Variants in ZNF385D observed in about 807,000 individuals in gnomAD.
ZNF385D encodes the protein zinc finger protein 385D.
ZNF385D carries 15 observed loss-of-function variants against 35.8 expected under a neutral mutation model. That is an observed-to-expected ratio of 0.42 (90% confidence interval 0.28 to 0.64). The LOEUF (loss-of-function observed/expected upper bound fraction) is 0.64. ZNF385D is among the 30% of genes least tolerant of loss of function. The probability of loss-of-function intolerance (pLI) is 0.23; values close to 1 mark genes in which losing one functional copy is unlikely to be tolerated. For missense variants in ZNF385D, 474 were observed against 494.6 expected, an observed-to-expected ratio of 0.96 and a Z score of 0.39; for synonymous variants, 212 against 186.8, an observed-to-expected ratio of 1.13 and a Z score of -1.10.
intron 2 of ZNF385D, among the ~76,000 whole-genome samples, chr3:22,323,191 A>G (rs752147101): frequency 6.6e-6 from 1 of 152,146 alleles, no homozygotes; most frequent in African/African-American, 2.4e-5. Context: ...TTTTGAGTTA[A>G]TATCAATCAT....
rs934170804 is a variant in ZNF385D, at chr3:21,539,279, C to T, written c.276+25295G>A. ...GTGCTGTGTGGCTTCTACATTTCTA[C>T]ATAGATCACTTTCTCATTAATTGAT... On this transcript the variant is annotated intron_variant, in intron 3 of 7. Coordinates refer to ENST00000281523, the MANE Select transcript of ZNF385D (RefSeq NM_024697.3). This position sits in a 1 kb window ranked among gnomAD's most constrained non-coding sequence, Gnocchi z 4.0. 2.0e-5 allele frequency among the ~76,000 whole-genome samples: 3 copies of T among 152,026 alleles called. No individual in the cohort carries two copies. The highest frequency in any genetic ancestry group is 4.4e-5 in the Non-Finnish European group (3 of 68,004).
chr3:22,272,039 G>T (rs539211673), intron 2 of ZNF385D, among the ~76,000 whole-genome samples: 3 of 152,028 alleles, frequency 2.0e-5, no homozygotes, highest in East Asian at 3.9e-4. Context: ...GATATTTTTG[G>T]ATAATGTGTT....
At position 21,621,922 on chromosome 3, in the gene ZNF385D, G is replaced by A. The variant is rs541291530; in HGVS notation, c.165+42964C>T. Among the ~76,000 whole-genome samples, 58 of 151,816 alleles carry A rather than the reference G, an allele frequency of 3.8e-4. 2 individuals carry two copies. The South Asian group carries it at 4.4e-3, about 11-fold the overall frequency. The stretch of plus-strand genomic sequence containing the variant: ...GTGCACGCACGTGTGTGCTTTCTTT[G>A]GAACTTAGTCTACAAGAGGAAATGT... On this transcript the variant is annotated intron_variant, in intron 2 of 7. Transcript: ENST00000281523.
intron 3 of ZNF385D, among the ~76,000 whole-genome samples, chr3:22,030,256 CATATATAT>C (rs71044967): frequency 0.019 from 417 of 21,728 alleles, 4 homozygotes; most frequent in South Asian, 0.065. Flanking sequence ...TAAACTCATT[CATATATAT>C]ATATATATAT....
At chr3:22,323,091 C>A (rs548279472) in intron 2 of ZNF385D, among the ~76,000 whole-genome samples, 222 of 152,082 alleles carry the variant, frequency 1.5e-3, no homozygotes, top group African/African-American at 4.8e-3. Context: ...CAGAAGAATC[C>A]CCTTGGTTGC....
At chr3:22,299,370 G>A (rs1702773139) in intron 2 of ZNF385D, among the ~76,000 whole-genome samples, 2 of 151,792 alleles carry the variant, frequency 1.3e-5, no homozygotes, top group South Asian at 4.1e-4. Context: ...TGAGGAACTT[G>A]CATGCTGAAT....
At chr3:22,286,263 C>T (rs183617392) in intron 2 of ZNF385D, among the ~76,000 whole-genome samples, 189 of 152,172 alleles carry the variant, frequency 1.2e-3, no homozygotes, top group African/African-American at 3.9e-3. Flanking sequence ...CTAATATCCG[C>T]GCCCTCATGC....
rs114712753 is a variant in ZNF385D at position 22,102,657 on chromosome 3, A to G, written c.325+66160T>C. Among the ~76,000 whole-genome samples, 1,118 of 152,212 alleles carry G rather than the reference A, an allele frequency of 7.3e-3. 13 individuals carry two copies. Among genetic ancestry groups the G allele is most frequent in the African/African-American group, 0.026 (1,065 of 41,546 alleles). ...AATAGGACATATTGATGACTGGGGT[A>G]GAGAATAAAGAAAAAGAATAAAGGC... On this transcript the variant is annotated intron_variant, in intron 3 of 5. Coordinates refer to the ZNF385D transcript ENST00000494108.
chr3:21,469,202 T>C (rs1703729326), intron 4 of ZNF385D, among the ~76,000 whole-genome samples: 1 of 152,188 alleles, frequency 6.6e-6, no homozygotes, highest in African/African-American at 2.4e-5. Context: ...AGTAAAGCAA[T>C]TAAAACTTCC....
intron 4 of ZNF385D, chr3:21,441,668 C>G: frequency 1.0e-6 from 1 of 984,986 alleles, no homozygotes; most frequent in Non-Finnish European, 1.2e-6. Context: ...AAAGGAAAAC[C>G]TATAGCTCTC....
intron 3 of ZNF385D, among the ~76,000 whole-genome samples, chr3:21,824,752 A>C (rs1694492823): frequency 6.6e-6 from 1 of 152,158 alleles, no homozygotes; most frequent in Non-Finnish European, 1.5e-5. Flanking sequence ...AATTAGTTAC[A>C]CTTAAAATGG....
At chr3:22,227,127 GATTAT>G (rs1344359461) in intron 2 of ZNF385D, among the ~76,000 whole-genome samples, 2 of 151,400 alleles carry the variant, frequency 1.3e-5, no homozygotes, top group African/African-American at 4.9e-5. Flanking sequence ...AACATATTAT[GATTAT>G]ATAACATAAT....
At chr3:21,813,571 C>A (rs2073025213) in intron 3 of ZNF385D, among the ~76,000 whole-genome samples, 1 of 152,076 alleles carries the variant, frequency 6.6e-6, no homozygotes, top group African/African-American at 2.4e-5. Flanking sequence ...GCTTCAGTAG[C>A]TGATTTGATC....
intron 2 of ZNF385D, among the ~76,000 whole-genome samples, chr3:21,572,188 TG>T (rs1321003832): frequency 6.6e-6 from 1 of 152,168 alleles, no homozygotes; most frequent in African/African-American, 2.4e-5. Flanking sequence ...TACTATCACT[TG>T]GGAAATTTTC....
intron 3 of ZNF385D, among the ~76,000 whole-genome samples, chr3:21,816,971 G>C (rs9819109): frequency 0.45 from 68,340 of 151,988 alleles, 16,951 homozygotes; most frequent in East Asian, 0.83. Flanking sequence ...GCATGGTACT[G>C]GTACCAAAAC....
rs6778108 is a variant in ZNF385D at position 22,213,956 on chromosome 3, A to G, written c.107-44921T>C. Among the ~76,000 whole-genome samples the G allele has an allele frequency of 5.7e-3, 863 of 152,196 alleles. 4 individuals carry two copies. Among genetic ancestry groups the G allele is most frequent in the African/African-American group, 0.019 (807 of 41,556 alleles). On this transcript the variant is annotated intron_variant, in intron 2 of 5. Coordinates refer to the ZNF385D transcript ENST00000494108. ...TTAGTTTATTGAGTCAGAATTTCCA[A>G]TTAGTAAAGACCTATTCATCACACA...
At chr3:22,190,914 A>G (rs930321161) in intron 2 of ZNF385D, among the ~76,000 whole-genome samples, 1 of 152,120 alleles carries the variant, frequency 6.6e-6, no homozygotes, top group African/African-American at 2.4e-5. Context: ...GTGAATTTCT[A>G]AAATGTAAAA....
intron 3 of ZNF385D, among the ~76,000 whole-genome samples, chr3:22,114,125 C>A (rs544393486): frequency 1.3e-5 from 2 of 151,980 alleles, no homozygotes; most frequent in South Asian, 4.1e-4. Flanking sequence ...TTTACAGTAA[C>A]TGGATGAAAA....
At chr3:22,157,010 A>C (rs1705632143) in intron 3 of ZNF385D, among the ~76,000 whole-genome samples, 1 of 152,134 alleles carries the variant, frequency 6.6e-6, no homozygotes, top group African/African-American at 2.4e-5. Context: ...CAAGGTAGAC[A>C]ACCACTTCCT....
Sources: gnomAD v4.1 joint callset for allele counts (sites outside exome capture counted in the v4.1 genomes callset) on GRCh38, gnomAD v4.1.1 for gene constraint, Gnocchi (gnomAD v3.1) non-coding constraint, MANE v1.5 for transcripts, NCBI Gene and HGNC (gene_info 2026-07-23, HGNC 2026-07-21) for gene names.